SPATA6: variants seen among roughly 807,000 people sequenced by gnomAD.
The protein encoded by SPATA6 is spermatogenesis associated 6, also known as spermatogenesis-associated protein 6.
In SPATA6, 56 loss-of-function variants were observed where a neutral mutation model predicts 65.3. The ratio of observed to expected loss-of-function variants is 0.86; its 90% CI spans 0.69 to 1.07. The LOEUF (loss-of-function observed/expected upper bound fraction) is 1.07. SPATA6 is among the 50% of genes least tolerant of loss of function. SPATA6 has a pLI of 0.00. For synonymous variants in SPATA6, 199 were observed against 213.2 expected (o/e 0.93, Z 0.58); for missense variants, 590 against 594.8 (o/e 0.99, Z 0.08).
intron 11 of SPATA6, among the ~76,000 whole-genome samples, chr1:48,355,095 A>T (rs996499816): frequency 6.6e-6 from 1 of 152,124 alleles, no homozygotes; most frequent in Non-Finnish European, 1.5e-5. Context: ...AAGGGATCAA[A>T]CACATAAAAA....
intron 11 of SPATA6, chr1:48,325,745 C>T (rs929977597): frequency 3.7e-5 from 19 of 509,870 alleles, no homozygotes; most frequent in East Asian, 3.0e-4. Flanking sequence ...AAGTATCTCG[C>T]GCAAGGTGTA....
chr1:48,317,828 A>T (rs559177016), intron 11 of SPATA6, among the ~76,000 whole-genome samples: 1 of 152,352 alleles, frequency 6.6e-6, no homozygotes, highest in South Asian at 2.1e-4. Context: ...TAAGGTCTTT[A>T]TTCCTTTGAT....
At chr1:48,390,428 A>C (rs551429621) in intron 8 of SPATA6, among the ~76,000 whole-genome samples, 24 of 152,222 alleles carry the variant, frequency 1.6e-4, no homozygotes, top group Admixed American at 1.1e-3. Context: ...GTAGGGGTGG[A>C]CGATGAAGAG....
the SPATA6 span, among the ~76,000 whole-genome samples, chr1:48,272,388 C>T: frequency 6.6e-6 from 1 of 152,132 alleles, no homozygotes; most frequent in Non-Finnish European, 1.5e-5. Flanking sequence ...CCTACTTCTA[C>T]TTCTATGAGT....
chr1:48,359,369 C>G (rs1646744839), intron 10 of SPATA6, among the ~76,000 whole-genome samples: 1 of 152,076 alleles, frequency 6.6e-6, no homozygotes, highest in African/African-American at 2.4e-5. Flanking sequence ...TTAATGTGAC[C>G]CATATCTGGT....
the SPATA6 span, among the ~76,000 whole-genome samples, chr1:48,275,166 T>C: frequency 2.0e-5 from 3 of 152,226 alleles, no homozygotes. Context: ...ATAGGAATGC[T>C]TGTAATTTTT....
At chr1:48,311,930 T>C (rs755576062) in intron 11 of SPATA6, among the ~76,000 whole-genome samples, 2 of 152,186 alleles carry the variant, frequency 1.3e-5, no homozygotes, top group Admixed American at 6.5e-5. Flanking sequence ...TATCCCGCGA[T>C]TGGCTTGGAG....
the SPATA6 span, among the ~76,000 whole-genome samples, chr1:48,267,172 C>T: frequency 3.0e-4 from 45 of 152,230 alleles, no homozygotes; most frequent in African/African-American, 1.0e-3. Context: ...CTCACTTCTT[C>T]GGTGCCCCTG....
rs1166427847 is a variant in SPATA6 at position 48,437,169 on chromosome 1, G to C, written c.238+14383C>G. ...TACCATTGCCTCCAGTGTTACCTTG[G>C]ACTGAGCCAGAATGTGATTTTCCTG... On this transcript the variant is annotated intron_variant, in intron 3 of 12. Coordinates refer to ENST00000371847, the MANE Select transcript of SPATA6 (RefSeq NM_019073.4). The C allele has an allele frequency of 3.0e-5, 48 of 1,610,436 alleles. No homozygotes were observed. The African/African-American group carries it at 3.1e-4, about 10-fold the overall frequency.
At chr1:48,268,143 C>G in the SPATA6 span, among the ~76,000 whole-genome samples, 6 of 151,982 alleles carry the variant, frequency 3.9e-5, no homozygotes, top group African/African-American at 1.4e-4. Context: ...AACAGGAGTG[C>G]CTGTCCTCAC....
At chr1:48,465,921 A>T (rs948963340) in intron 1 of SPATA6, among the ~76,000 whole-genome samples, 5 of 152,212 alleles carry the variant, frequency 3.3e-5, no homozygotes, top group Non-Finnish European at 7.4e-5. Flanking sequence ...ATAATTGATT[A>T]TCAACTGCTA....
At chr1:48,270,711 G>A in the SPATA6 span, among the ~76,000 whole-genome samples, 2 of 150,730 alleles carry the variant, frequency 1.3e-5, no homozygotes, top group African/African-American at 4.9e-5. Flanking sequence ...AATATACTAA[G>A]GTCAGAAGAA....
At chr1:48,309,258 T>C (rs141691099) in intron 11 of SPATA6, among the ~76,000 whole-genome samples, 33 of 152,232 alleles carry the variant, frequency 2.2e-4, no homozygotes, top group African/African-American at 7.7e-4. Flanking sequence ...TGCTTAATGG[T>C]ATCCCACAAA....
chr1:48,316,550 T>TAA (rs1389008758), intron 11 of SPATA6, among the ~76,000 whole-genome samples: 3,631 of 152,142 alleles, frequency 0.024, 94 homozygotes, highest in African/African-American at 0.067. Flanking sequence ...ATTAAAGACT[T>TAA]ACTTGTTAGA....
chr1:48,370,802 T>C (rs1647218348), intron 9 of SPATA6, among the ~76,000 whole-genome samples: 1 of 152,314 alleles, frequency 6.6e-6, no homozygotes, highest in South Asian at 2.1e-4. Flanking sequence ...GAGGGATCTA[T>C]GGCAGAAACA....
intron 9 of SPATA6, among the ~76,000 whole-genome samples, chr1:48,377,297 TA>T (rs1286384327): frequency 1.3e-5 from 2 of 152,198 alleles, no homozygotes; most frequent in Non-Finnish European, 2.9e-5. Context: ...CAATATGTCC[TA>T]AAAGATTTAA....
At chr1:48,261,652 G>C in the SPATA6 span, among the ~76,000 whole-genome samples, 20 of 152,078 alleles carry the variant, frequency 1.3e-4, no homozygotes, top group African/African-American at 4.8e-4. Flanking sequence ...TTTCAGATGA[G>C]GACATATGGT....
At chr1:48,337,493 T>G (rs1323105135) in intron 11 of SPATA6, among the ~76,000 whole-genome samples, 2 of 151,796 alleles carry the variant, frequency 1.3e-5, no homozygotes, top group African/African-American at 4.8e-5. Flanking sequence ...CACTTCTATT[T>G]GATACTATTT....
chr1:48,326,435 A>G (rs1424315215), intron 11 of SPATA6, among the ~76,000 whole-genome samples: 2 of 152,086 alleles, frequency 1.3e-5, no homozygotes, highest in Non-Finnish European at 1.5e-5. Context: ...ACCCAAAGCA[A>G]TCTACAGATT....
Sources: gnomAD v4.1 joint callset for allele counts (sites outside exome capture counted in the v4.1 genomes callset) on GRCh38, gnomAD v4.1.1 for gene constraint, MANE v1.5 for transcripts, NCBI Gene and HGNC (gene_info 2026-07-23, HGNC 2026-07-21) for gene names.